ABI3BP: variants seen among roughly 807,000 people sequenced by gnomAD.
The protein encoded by ABI3BP is ABI family member 3 binding protein.
A neutral mutation model predicts 268.6 loss-of-function variants in ABI3BP; 216 were observed. The observed-to-expected ratio is 0.80, with a 90% confidence interval of 0.72 to 0.90. ABI3BP has a LOEUF of 0.90. Ranked by LOEUF, ABI3BP falls within the 40% of genes least tolerant of loss-of-function variation. The pLI is 0.00. For missense variants in ABI3BP, 2,090 were observed against 2,182.4 expected, an observed-to-expected ratio of 0.96 and a Z score of 0.84; for synonymous variants, 730 against 730.0, an observed-to-expected ratio of 1.00 and a Z score of 0.00.
At chr3:100,935,599 C>T (rs577868555) in intron 1 of ABI3BP, among the ~76,000 whole-genome samples, 1 of 151,458 alleles carries the variant, frequency 6.6e-6, no homozygotes, top group East Asian at 1.9e-4. Context: ...ATTGATTCTT[C>T]CTATCCATGA....
At chr3:100,870,007 C>T (rs914204437) in intron 9 of ABI3BP, among the ~76,000 whole-genome samples, 6 of 152,108 alleles carry the variant, frequency 3.9e-5, no homozygotes, top group Non-Finnish European at 8.8e-5. Context: ...GTTCTTAGAA[C>T]AAGCTATTAT....
intron 1 of ABI3BP, among the ~76,000 whole-genome samples, chr3:100,956,351 C>T (rs960791350): frequency 3.3e-5 from 5 of 151,636 alleles, no homozygotes; most frequent in Non-Finnish European, 7.4e-5. Context: ...ATTATATGTC[C>T]CCATCTCTTG....
chr3:100,856,930 C>T (rs2098946724), intron 14 of ABI3BP, among the ~76,000 whole-genome samples: 1 of 152,138 alleles, frequency 6.6e-6, no homozygotes, highest in Admixed American at 6.5e-5. Context: ...CAAGAAGGAC[C>T]TCAGAGCCCA....
chr3:100,754,734 A>G (rs1306759608), intron 63 of ABI3BP, 43 bp from the exon 64 acceptor site: 3 of 1,493,026 alleles, frequency 2.0e-6, no homozygotes, highest in East Asian at 2.5e-5. Flanking sequence ...TACATTCTTG[A>G]GGGCTAGGAG....
chr3:100,802,719 G>A (rs2097567110), intron 51 of ABI3BP, among the ~76,000 whole-genome samples: 1 of 151,692 alleles, frequency 6.6e-6, no homozygotes, highest in Non-Finnish European at 1.5e-5. Flanking sequence ...ATCTCTCTCA[G>A]AATACATTTT....
At chr3:100,781,594 T>C (rs1397487744) in intron 57 of ABI3BP, among the ~76,000 whole-genome samples, 1 of 152,060 alleles carries the variant, frequency 6.6e-6, no homozygotes, top group Non-Finnish European at 1.5e-5. Flanking sequence ...GTGAACAGCA[T>C]AGGGAATTGA....
intron 4 of ABI3BP, among the ~76,000 whole-genome samples, chr3:100,887,131 C>T (rs1176236468): frequency 6.6e-6 from 1 of 151,850 alleles, no homozygotes; most frequent in Non-Finnish European, 1.5e-5. Flanking sequence ...CCAATATCAC[C>T]CAGCTACTGA....
At chr3:100,799,912 T>C (rs2097474740) in intron 51 of ABI3BP, among the ~76,000 whole-genome samples, 1 of 152,194 alleles carries the variant, frequency 6.6e-6, no homozygotes, top group Admixed American at 6.5e-5. Flanking sequence ...AGTTAGGGTC[T>C]TCCCACTCAA....
At chr3:100,853,094 TAAGA>T (rs2098879724) in intron 14 of ABI3BP, among the ~76,000 whole-genome samples, 1 of 152,212 alleles carries the variant, frequency 6.6e-6, no homozygotes, top group Admixed American at 6.5e-5. Flanking sequence ...GTTGAAGCTG[TAAGA>T]AAGATAGTAT....
chr3:100,856,668 C>T (rs1219255761), intron 14 of ABI3BP, among the ~76,000 whole-genome samples: 1 of 152,134 alleles, frequency 6.6e-6, no homozygotes, highest in African/African-American at 2.4e-5. Flanking sequence ...TTTTGAAACT[C>T]TCCTGGTACT....
intron 61 of ABI3BP, among the ~76,000 whole-genome samples, chr3:100,771,457 A>G (rs1003095614): frequency 2.0e-5 from 3 of 152,054 alleles, no homozygotes; most frequent in Admixed American, 6.5e-5. Context: ...TAATAAGGAG[A>G]AAAAAATCAA....
At chr3:100,904,961 T>C (rs891958004) in intron 2 of ABI3BP, among the ~76,000 whole-genome samples, 3 of 152,168 alleles carry the variant, frequency 2.0e-5, no homozygotes, top group Admixed American at 6.5e-5. Context: ...CACATGCACA[T>C]GTATGTTTAT....
chr3:100,893,538 T>C (rs2045766011), intron 4 of ABI3BP, among the ~76,000 whole-genome samples: 1 of 152,056 alleles, frequency 6.6e-6, no homozygotes. Flanking sequence ...AAAACTCTAC[T>C]GGGTTTAGTA....
chr3:100,784,307 C>G (rs2096959173), intron 57 of ABI3BP, among the ~76,000 whole-genome samples: 2 of 152,018 alleles, frequency 1.3e-5, no homozygotes, highest in Non-Finnish European at 2.9e-5. Flanking sequence ...ATAGGAACTA[C>G]AAATTAAAAC....
intron 65 of ABI3BP, among the ~76,000 whole-genome samples, chr3:100,753,409 C>T (rs1247228954): frequency 6.6e-6 from 1 of 151,778 alleles, no homozygotes; most frequent in Admixed American, 6.6e-5. Flanking sequence ...CCTCAGCCTC[C>T]CAAGTAGCTA....
At chr3:100,805,016 C>T in intron 50 of ABI3BP, 150 bp from the exon 51 acceptor site, 7 of 626,058 alleles carry the variant, frequency 1.1e-5, no homozygotes, top group South Asian at 8.4e-5. Context: ...GAAGACCTAA[C>T]CTTAAGCTCT....
chr3:100,821,293 C>G (rs111488944), intron 38 of ABI3BP, among the ~76,000 whole-genome samples, 180 bp from the exon 39 acceptor site: 3,610 of 152,254 alleles, frequency 0.024, 142 homozygotes, highest in African/African-American at 0.083. Flanking sequence ...CTATACCTAA[C>G]TCAGGTACCT....
intron 63 of ABI3BP, among the ~76,000 whole-genome samples, chr3:100,760,657 T>G (rs2095885069): frequency 6.6e-6 from 1 of 152,164 alleles, no homozygotes; most frequent in Non-Finnish European, 1.5e-5. Context: ...AGAACGATAA[T>G]CCACACTCAC....
chr3:100,811,288 A>C lies in ABI3BP; in HGVS notation c.3494-11T>G, dbSNP rs149345230. 1,039 of 1,527,844 alleles carry C rather than the reference A, an allele frequency of 6.8e-4. 8 individuals carry two copies. In the African/African-American group the frequency reaches 0.013, roughly 19 times the overall value. The allele number at this position is 1,527,844 out of a possible 1,614,324, so 94.6% of individuals were successfully genotyped here. ...TAATAGATTCCACAACTGTACCAAA[A>C]CAAAGGAGAAAAATTTTAGAAACTG... On this transcript the variant is annotated splice_polypyrimidine_tract_variant and intron_variant, in intron 47 of 67. Transcript: ENST00000471714.
Sources: allele counts gnomAD v4.1 joint callset (sites outside exome capture counted in the v4.1 genomes callset), GRCh38; gene constraint gnomAD v4.1.1; transcripts MANE v1.5; gene names NCBI Gene and HGNC (gene_info 2026-07-23, HGNC 2026-07-21).